Variants in GALNT14 observed in about 807,000 individuals in gnomAD.
GALNT14 encodes polypeptide N-acetylgalactosaminyltransferase 14, also known as UDP-GalNAc:polypeptide N-acetylgalactosaminyltransferase 14.
A neutral mutation model predicts 77.5 loss-of-function variants in GALNT14; 60 were observed. The observed-to-expected ratio is 0.77, with a 90% CI of 0.63 to 0.96. The LOEUF (loss-of-function observed/expected upper bound fraction) is 0.96. Ranked by LOEUF, GALNT14 falls within the 40% of genes least tolerant of loss-of-function variation. The pLI, the probability that GALNT14 is intolerant of heterozygous loss-of-function variation, is 0.00. For missense variants in GALNT14, 710 were observed against 731.0 expected (o/e 0.97, Z 0.33); for synonymous variants, 280 against 281.7 (o/e 0.99, Z 0.06).
At chr2:31,083,584 C>A (rs1309215944) in intron 1 of GALNT14, among the ~76,000 whole-genome samples, 1 of 152,180 alleles carries the variant, frequency 6.6e-6, no homozygotes. Flanking sequence ...TTAACCTCCA[C>A]CCTATGCCCC....
rs1166874269 is a variant in GALNT14 at position 30,988,995 on chromosome 2, G to A, written c.299+3843C>T. ...GAGCTTGTTAGAAATGTGGACTCAC[G>A]GGCCCCATCTCAGACGTACTAAATC... On this transcript the variant is annotated intron_variant, in intron 2 of 14. Transcript: ENST00000349752. Among the ~76,000 whole-genome samples, 8 of 152,156 alleles carry A rather than the reference G, an allele frequency of 5.3e-5. No individual in the cohort carries two copies. The South Asian group carries it at 6.2e-4, about 12-fold the overall frequency.
At chr2:31,134,197 C>T (rs117594959) in intron 1 of GALNT14, among the ~76,000 whole-genome samples, 1,634 of 152,280 alleles carry the variant, frequency 0.011, 18 homozygotes, top group South Asian at 0.042. Flanking sequence ...TCGGGTAGTT[C>T]CCCAGACCAG....
intron 1 of GALNT14, among the ~76,000 whole-genome samples, chr2:31,133,687 T>C (rs908556773): frequency 2.0e-5 from 3 of 152,238 alleles, no homozygotes; most frequent in Admixed American, 2.0e-4. Flanking sequence ...TCAGTTATTG[T>C]ATGATTCTCC....
chr2:30,972,904 C>T (rs1668445317), intron 2 of GALNT14, among the ~76,000 whole-genome samples: 1 of 152,180 alleles, frequency 6.6e-6, no homozygotes, highest in Non-Finnish European at 1.5e-5. Context: ...CCACTGGAGT[C>T]TGATCAGGTG....
intron 1 of GALNT14, 89 bp from the exon 2 acceptor site, chr2:30,993,096 A>G: frequency 7.2e-7 from 1 of 1,397,722 alleles, no homozygotes; most frequent in Non-Finnish European, 9.8e-7. Context: ...CCCAGAGACC[A>G]GGCTTATTCT....
At position 31,128,026 on chromosome 2, in the gene GALNT14, T is replaced by C. The variant is rs143623792; in HGVS notation, c.129+9932A>G. 6.8e-4 allele frequency among the ~76,000 whole-genome samples: 103 copies of C among 152,268 alleles called. 2 individuals carry two copies. The highest frequency in any genetic ancestry group is 2.4e-3 in the African/African-American group (99 of 41,544). On this transcript the variant is annotated intron_variant, in intron 1 of 14. Coordinates refer to ENST00000349752, the MANE Select transcript of GALNT14 (RefSeq NM_024572.4). ...ATCTTAGAGCAGAGTACCAACTTTA[T>C]TGTTTAGGCCATGTCACAAAAACAC... is the stretch of plus-strand genomic sequence containing the variant.
At chr2:31,035,616 C>CACACATACACA (rs768333997) in intron 1 of GALNT14, among the ~76,000 whole-genome samples, 6 of 37,888 alleles carry the variant, frequency 1.6e-4, no homozygotes, top group African/African-American at 8.3e-4. Flanking sequence ...CACACACACA[C>CACACATACACA]CTACACACAC....
At chr2:30,946,326 T>C (rs1558430737) in intron 6 of GALNT14, among the ~76,000 whole-genome samples, 2 of 152,192 alleles carry the variant, frequency 1.3e-5, no homozygotes, top group African/African-American at 2.4e-5. Flanking sequence ...AGGTGGGGCC[T>C]GGTGGGAGGT....
chr2:31,064,776 T>A (rs1237622553), intron 1 of GALNT14, among the ~76,000 whole-genome samples: 2 of 151,922 alleles, frequency 1.3e-5, no homozygotes, highest in Non-Finnish European at 2.9e-5. Flanking sequence ...CTGCTCTCAA[T>A]AAATCCAATA....
intron 9 of GALNT14, among the ~76,000 whole-genome samples, chr2:30,932,504 G>A (rs1414102610): frequency 1.3e-5 from 2 of 152,248 alleles, no homozygotes; most frequent in African/African-American, 4.8e-5. Context: ...GAAAGGAGGA[G>A]CCTTGGGGGC....
At chr2:31,083,565 C>T (rs1363237322) in intron 1 of GALNT14, among the ~76,000 whole-genome samples, 3 of 152,190 alleles carry the variant, frequency 2.0e-5, no homozygotes, top group Non-Finnish European at 4.4e-5. Context: ...TCCCATCCTT[C>T]ACCCAGTTTT....
At chr2:31,118,619 T>G (rs1678234118) in intron 1 of GALNT14, among the ~76,000 whole-genome samples, 1 of 152,116 alleles carries the variant, frequency 6.6e-6, no homozygotes, top group Non-Finnish European at 1.5e-5. Context: ...CAGTAAATAA[T>G]GAACACTAAA....
chr2:31,043,701 C>T (rs1257228094), intron 1 of GALNT14, among the ~76,000 whole-genome samples: 1 of 151,964 alleles, frequency 6.6e-6, no homozygotes, highest in East Asian at 1.9e-4. Context: ...TTAATTCATT[C>T]AACAAGTATA....
chr2:30,955,863 A>G, intron 5 of GALNT14, 49 bp downstream of exon 5: 5 of 1,610,804 alleles, frequency 3.1e-6, no homozygotes, highest in Non-Finnish European at 3.4e-6. Context: ...CACACCTTCG[A>G]CCCCCCGACA....
chr2:31,071,814 A>T (rs1675388562), intron 1 of GALNT14, among the ~76,000 whole-genome samples: 1 of 152,246 alleles, frequency 6.6e-6, no homozygotes, highest in African/African-American at 2.4e-5. Context: ...TATAAGGCTA[A>T]GTGCAAAATG....
At chr2:31,094,909 A>G (rs890846347) in intron 1 of GALNT14, among the ~76,000 whole-genome samples, 4 of 152,190 alleles carry the variant, frequency 2.6e-5, no homozygotes, top group Non-Finnish European at 5.9e-5. Context: ...TCCAATGAAC[A>G]GATTGGACCA....
chr2:31,069,495 A>C (rs1223705027), intron 1 of GALNT14, among the ~76,000 whole-genome samples: 1 of 152,220 alleles, frequency 6.6e-6, no homozygotes, highest in Admixed American at 6.5e-5. Context: ...TTACAAATGA[A>C]GAAATGGAGT....
At chr2:30,991,830 A>G (rs1669724917) in intron 2 of GALNT14, among the ~76,000 whole-genome samples, 1 of 152,196 alleles carries the variant, frequency 6.6e-6, no homozygotes. Flanking sequence ...ACAGGGTACC[A>G]TCTTAAGAAC....
At chr2:31,070,780 C>T (rs1050854080) in intron 1 of GALNT14, among the ~76,000 whole-genome samples, 1 of 152,188 alleles carries the variant, frequency 6.6e-6, no homozygotes, top group African/African-American at 2.4e-5. Context: ...CAATTGCAAA[C>T]TGGAAAATTT....
Sources: allele counts gnomAD v4.1 joint callset (sites outside exome capture counted in the v4.1 genomes callset), GRCh38; gene constraint gnomAD v4.1.1; transcripts MANE v1.5; gene names NCBI Gene and HGNC (gene_info 2026-07-23, HGNC 2026-07-21).